USP34: variants seen among roughly 807,000 people sequenced by gnomAD.
The protein encoded by USP34 is ubiquitin specific peptidase 34.
In USP34, 70 loss-of-function variants were observed where a neutral mutation model predicts 460.3. That is an observed-to-expected ratio of 0.15 (90% CI 0.13 to 0.19). The LOEUF (loss-of-function observed/expected upper bound fraction) is 0.19, where lower values mean the gene tolerates loss of function less well. USP34 is among the 10% of genes least tolerant of loss of function. The pLI, the probability that USP34 is intolerant of heterozygous loss-of-function variation, is 1.00. For missense variants in USP34, 3,985 were observed against 4,236.2 expected (o/e 0.94, Z 1.65); for synonymous variants, 1,647 against 1,405.3 (o/e 1.17, Z -3.85).
chr2:61,419,063 T>A (rs556863834), intron 2 of USP34, among the ~76,000 whole-genome samples: 1 of 152,364 alleles, frequency 6.6e-6, no homozygotes. Context: ...GTAGTAGCTT[T>A]ATTATTATTC....
chr2:61,208,303 G>C (rs2103779342), intron 70 of USP34: 1 of 152,350 alleles, frequency 6.6e-6, no homozygotes, highest in Middle Eastern at 3.4e-3. Flanking sequence ...CCAGAGGAAG[G>C]AGAGGCCTTG....
At chr2:61,244,876 C>G (rs902248222) in intron 51 of USP34, among the ~76,000 whole-genome samples, 1 of 152,074 alleles carries the variant, frequency 6.6e-6, no homozygotes, top group Non-Finnish European at 1.5e-5. Flanking sequence ...CAGATTAAGT[C>G]AGTAAACAGT....
At chr2:61,435,426 G>GTTAA (rs1477593709) in intron 1 of USP34, among the ~76,000 whole-genome samples, 32 of 151,048 alleles carry the variant, frequency 2.1e-4, no homozygotes, top group African/African-American at 7.8e-4. Context: ...CAGGCAAGGA[G>GTTAA]TGAATGGGAT....
At chr2:61,387,680 T>C (rs1359437193) in intron 5 of USP34, among the ~76,000 whole-genome samples, 1 of 143,306 alleles carries the variant, frequency 7.0e-6, no homozygotes, top group Non-Finnish European at 1.5e-5. Flanking sequence ...CATGTAAAAA[T>C]ATATTTTTAC....
chr2:61,251,350 A>G (rs1175953956), intron 48 of USP34, among the ~76,000 whole-genome samples: 1 of 152,218 alleles, frequency 6.6e-6, no homozygotes, highest in Non-Finnish European at 1.5e-5. Flanking sequence ...TCACTACTTT[A>G]AAGAGTTTGT....
chr2:61,278,097 A>C, intron 41 of USP34, 68 bp downstream of exon 41: 1 of 1,575,624 alleles, frequency 6.3e-7, no homozygotes, highest in Non-Finnish European at 8.7e-7. Flanking sequence ...AAACGGACTA[A>C]TACACAATGT....
intron 65 of USP34, chr2:61,221,937 G>A (rs151008487): frequency 9.8e-4 from 174 of 176,788 alleles, no homozygotes; most frequent in African/African-American, 3.6e-3. Flanking sequence ...GTAGAATGGC[G>A]AAATCAAGCT....
intron 1 of USP34, among the ~76,000 whole-genome samples, chr2:61,426,292 T>A (rs929183397): frequency 2.6e-5 from 4 of 152,142 alleles, no homozygotes; most frequent in Admixed American, 2.0e-4. Flanking sequence ...CAGTTGATTC[T>A]TGGGTGTCCC....
intron 10 of USP34, among the ~76,000 whole-genome samples, chr2:61,358,153 C>T (rs142892832): frequency 4.3e-4 from 65 of 151,748 alleles, no homozygotes; most frequent in African/African-American, 1.5e-3. Context: ...GATTGCACCA[C>T]GGCACTCCAG....
At chr2:61,470,285 T>C (rs149016854) in intron 1 of USP34, among the ~76,000 whole-genome samples, 110 of 152,230 alleles carry the variant, frequency 7.2e-4, no homozygotes, top group African/African-American at 2.4e-3. Context: ...GAAAGCCTCG[T>C]CCTCCGACCC....
intron 1 of USP34, among the ~76,000 whole-genome samples, chr2:61,432,548 G>T (rs1694708169): frequency 2.0e-5 from 3 of 151,792 alleles, no homozygotes; most frequent in African/African-American, 7.3e-5. Context: ...GGAGGCTGAG[G>T]TGAGAGGACT....
intron 17 of USP34, 41 bp downstream of exon 17, chr2:61,339,525 G>A (rs368130820): frequency 4.0e-4 from 626 of 1,558,822 alleles, no homozygotes; most frequent in Non-Finnish European, 5.0e-4. Flanking sequence ...ATTGCATCTT[G>A]CTGAAATTTC....
intron 18 of USP34, among the ~76,000 whole-genome samples, chr2:61,334,199 T>C (rs1005133543): frequency 2.6e-5 from 4 of 152,114 alleles, no homozygotes; most frequent in Admixed American, 6.5e-5. Flanking sequence ...AAACACACTA[T>C]AAATATCTGG....
Position 61,378,430 on chromosome 2 carries a change from A to G in USP34, c.1015-6T>C. On this transcript the variant is annotated splice_region_variant and splice_polypyrimidine_tract_variant and intron_variant, in intron 7 of 79. Coordinates refer to ENST00000398571, the MANE Select transcript of USP34 (RefSeq NM_014709.4). ...TTGAAGGTATGGAGTTGATTCTATG[A>G]TTAAAGACAAGAAATTAAGGGTTTT... 1.3e-6 allele frequency: 2 copies of G among 1,578,516 alleles called. No individual in the cohort carries two copies. The highest frequency in any genetic ancestry group is 1.7e-6 in the Non-Finnish European group (2 of 1,167,524).
At chr2:61,273,503 G>C (rs940872776) in intron 41 of USP34, among the ~76,000 whole-genome samples, 8 of 152,176 alleles carry the variant, frequency 5.3e-5, no homozygotes, top group East Asian at 3.8e-4. Flanking sequence ...CGAATCACCT[G>C]ATGTCAGGAG....
chr2:61,241,845 T>C (rs754259472), intron 51 of USP34, 26 bp from the exon 52 acceptor site: 4 of 1,379,256 alleles, frequency 2.9e-6, no homozygotes, highest in Non-Finnish European at 2.0e-6. Context: ...AAAGTTTTAC[T>C]TCTTTGAAAA....
In USP34 at chr2:61,228,735, A is replaced by G. The variant is rs746207275; in HGVS notation, c.7369-16T>C. 3 of 1,598,352 alleles carry G rather than the reference A, an allele frequency of 1.9e-6. No homozygotes were observed. Among genetic ancestry groups the G allele is most frequent in the South Asian group, 2.3e-5 (2 of 87,462 alleles). On this transcript the variant is annotated splice_polypyrimidine_tract_variant and intron_variant, in intron 60 of 79. Coordinates refer to ENST00000398571, the MANE Select transcript of USP34 (RefSeq NM_014709.4). ...AAAATTGGCTCTAAACAAACAAACAAACAAAATTTAAAAATATAAAATAAA... is the reference window on the plus strand; with the variant it reads ...AAAATTGGCTCTAAACAAACAAACAGACAAAATTTAAAAATATAAAATAAA...
intron 5 of USP34, among the ~76,000 whole-genome samples, chr2:61,389,594 A>C (rs1443641602): frequency 6.6e-6 from 1 of 152,216 alleles, no homozygotes; most frequent in Non-Finnish European, 1.5e-5. Flanking sequence ...AATGAAAACA[A>C]AATTACATAC....
chr2:61,275,615 C>T (rs1689349917), intron 41 of USP34, among the ~76,000 whole-genome samples: 1 of 127,014 alleles, frequency 7.9e-6, no homozygotes, highest in East Asian at 2.2e-4. Flanking sequence ...GAGACCCTGT[C>T]CCTTTTTTTT....
Sources: gnomAD v4.1 joint callset for allele counts (sites outside exome capture counted in the v4.1 genomes callset) on GRCh38, gnomAD v4.1.1 for gene constraint, MANE v1.5 for transcripts, NCBI Gene and HGNC (gene_info 2026-07-23, HGNC 2026-07-21) for gene names.